PTBP3: variants seen among roughly 807,000 people sequenced by gnomAD.
PTBP3 encodes the protein polypyrimidine tract-binding protein 3.
Under a neutral mutation model 58.7 loss-of-function variants are expected in PTBP3, and 20 were observed. That is an observed-to-expected ratio of 0.34 (90% confidence interval 0.24 to 0.50). The LOEUF is 0.50. PTBP3 is among the 20% of genes least tolerant of loss of function. PTBP3 has a pLI of 0.98. For missense variants in PTBP3, 509 were observed against 637.2 expected (o/e 0.80, Z 2.17); for synonymous variants, 185 against 219.8 (o/e 0.84, Z 1.40).
At chr9:112,297,714 T>C in intron 2 of PTBP3, 118 bp downstream of exon 2, 1 of 779,630 alleles carries the variant, frequency 1.3e-6, no homozygotes, top group Non-Finnish European at 2.0e-6. Flanking sequence ...CCGAAACAAA[T>C]TTTAGCTTTT....
intron 4 of PTBP3, among the ~76,000 whole-genome samples, chr9:112,265,826 G>A (rs553455305): frequency 6.6e-6 from 1 of 152,272 alleles, no homozygotes; most frequent in African/African-American, 2.4e-5. Context: ...CAAGAATAAT[G>A]CAGGAGAAAC....
At chr9:112,291,420 T>C (rs1189024229) in intron 2 of PTBP3, among the ~76,000 whole-genome samples, 1 of 150,404 alleles carries the variant, frequency 6.6e-6, no homozygotes, top group African/African-American at 2.4e-5. Context: ...GCCAAAGCAA[T>C]CTTGAGAAAA....
At chr9:112,231,245 G>A in intron 10 of PTBP3, 135 bp downstream of exon 10, 1 of 584,170 alleles carries the variant, frequency 1.7e-6, no homozygotes. Context: ...TACTTACTAA[G>A]TCTTATTCAC....
chr9:112,253,363 G>A (rs954213425), intron 5 of PTBP3, among the ~76,000 whole-genome samples: 1 of 152,188 alleles, frequency 6.6e-6, no homozygotes, highest in African/African-American at 2.4e-5. Context: ...AATGCAAGAT[G>A]AGACAGTGCA....
At chr9:112,311,826 T>C (rs762227208) in intron 1 of PTBP3, among the ~76,000 whole-genome samples, 1 of 152,156 alleles carries the variant, frequency 6.6e-6, no homozygotes, top group African/African-American at 2.4e-5. Context: ...CTTATGCCTG[T>C]AGTCCCAGCT....
chr9:112,268,689 G>A (rs138103189), intron 3 of PTBP3, among the ~76,000 whole-genome samples: 262 of 143,976 alleles, frequency 1.8e-3, no homozygotes, highest in Non-Finnish European at 3.1e-3. Context: ...TGCAGCATGG[G>A]TAACAGGAGT....
the PTBP3 span, among the ~76,000 whole-genome samples, chr9:112,376,306 T>C: frequency 2.4e-3 from 312 of 130,116 alleles, 1 homozygote; most frequent in African/African-American, 8.9e-3. Flanking sequence ...CAGGCTGGAG[T>C]GCAGTGGCGT....
At chr9:112,335,238 C>T (rs1025734220), upstream of PTBP3, among the ~76,000 whole-genome samples, 3 of 152,062 alleles carry the variant, frequency 2.0e-5, no homozygotes, top group Non-Finnish European at 4.4e-5. Context: ...AACAATTCTG[C>T]GTGCATCCTT....
chr9:112,300,120 A>C lies in PTBP3; in HGVS notation c.-51-2204T>G, dbSNP rs117976075. The stretch of plus-strand genomic sequence containing the variant: ...TGTTAGTAATAATGTGGGGTGACAA[A>C]AACTCTTATATGGGAGTTAAGTATA... On this transcript the variant is annotated intron_variant, in intron 1 of 13. Coordinates refer to ENST00000374257, the MANE Select transcript of PTBP3 (RefSeq NM_001163788.4). Among the ~76,000 whole-genome samples the C allele has an allele frequency of 5.3e-4, 80 of 152,340 alleles. 1 individual carries two copies. In the East Asian group the frequency reaches 0.015, roughly 29 times the overall value.
chr9:112,267,093 G>A (rs1162836798), intron 4 of PTBP3, among the ~76,000 whole-genome samples: 1 of 151,962 alleles, frequency 6.6e-6, no homozygotes. Context: ...GAGAGCTGGA[G>A]GAGTTCTTTG....
chr9:112,320,291 A>AAAAAATATATATATATATATATATATAT (rs1411646280), intron 1 of PTBP3, among the ~76,000 whole-genome samples: 1 of 73,536 alleles, frequency 1.4e-5, no homozygotes, highest in African/African-American at 9.0e-5. Flanking sequence ...AAAAAAAAAA[A>AAAAAATATATATATATATATATATATAT]ATATATATAT....
rs1330009619 is a variant in PTBP3 at position 112,275,933 on chromosome 9, G to C, written c.115C>G (p.Pro39Ala). ...ATCTCTGCTTCGGTGACATCACATG[G>C]AATTTTTCGAAGATGGAGAACACGG... ...PSRVLHLRKI[P>A]CDVTEAEIIS... The change falls in exon 3 of 14, where the codon CCA (proline) becomes GCA (alanine). Residue 39 changes from proline to alanine, a missense_variant. Transcript: ENST00000374257. 6.2e-7 allele frequency: 1 copy of C among 1,613,604 alleles called. No homozygotes were observed. Among genetic ancestry groups the C allele is most frequent in the Admixed American group, 1.7e-5 (1 of 60,020 alleles).
chr9:112,252,739 T>C lies in PTBP3; in HGVS notation c.566A>G (p.Asn189Ser), dbSNP rs1335192672. The C allele has an allele frequency of 6.2e-7, 1 of 1,612,682 alleles. No individual in the cohort carries two copies. Among genetic ancestry groups the C allele is most frequent in the Admixed American group, 1.7e-5 (1 of 59,984 alleles). ...CTGAAGCAAGGCTTGAAACTGATTA[T>C]TCTTTGTAAAGGTGATAATCTTCAA... Reference protein sequence around the residue: ...TVLKIITFTKNNQFQALLQYA... With the variant: ...TVLKIITFTKSNQFQALLQYA... The change falls in exon 6 of 14, where the codon AAT becomes AGT. Residue 189 changes from asparagine (N) to serine (S), a missense_variant. Asn to Ser is a conservative substitution (Grantham distance 46). Around this residue, in one of 4 missense-constraint regions of PTBP3, gnomAD observed 41 missense variants for 78.0 expected, o/e 0.53. Coordinates refer to ENST00000374257, the MANE Select transcript of PTBP3 (RefSeq NM_001163788.4).
Position 112,332,119 on chromosome 9 carries a change from TAA to T in PTBP3, c.-52+1349_-52+1350del, listed in dbSNP as rs573035830. On this transcript the variant is annotated intron_variant, in intron 1 of 13. Transcript: ENST00000374257. ...TCTCGAAGAAACTTCAATCAAACAATAAAAACAGCTTCAATTCCCCCCCAAAA... is the reference window on the plus strand; with the variant it reads ...TCTCGAAGAAACTTCAATCAAACAATAAACAGCTTCAATTCCCCCCCAAAA... 8.5e-5 allele frequency among the ~76,000 whole-genome samples: 13 copies of T among 152,240 alleles called. No individual in the cohort carries two copies. In the South Asian group the frequency reaches 2.7e-3, roughly 32 times the overall value.
At chr9:112,379,173 G>C in the PTBP3 span, among the ~76,000 whole-genome samples, 1 of 152,204 alleles carries the variant, frequency 6.6e-6, no homozygotes, top group Non-Finnish European at 1.5e-5. Context: ...GTGGGCGACA[G>C]CGAGACTCCG....
At chr9:112,275,539 G>A (rs1827572346) in intron 3 of PTBP3, among the ~76,000 whole-genome samples, 1 of 151,786 alleles carries the variant, frequency 6.6e-6, no homozygotes, top group Admixed American at 6.6e-5. Context: ...GCTAATCACA[G>A]GACATTTGAT....
At chr9:112,348,303 G>T in the PTBP3 span, among the ~76,000 whole-genome samples, 2 of 152,230 alleles carry the variant, frequency 1.3e-5, no homozygotes, top group African/African-American at 2.4e-5. Flanking sequence ...GGAAAAGGTA[G>T]TTTCCCAAAA....
chr9:112,256,463 C>T (rs1289684384), intron 5 of PTBP3, among the ~76,000 whole-genome samples: 2 of 151,740 alleles, frequency 1.3e-5, no homozygotes, highest in African/African-American at 4.8e-5. Context: ...GAGATATAGA[C>T]TAAAATGCTT....
chr9:112,267,230 G>A (rs1836838427), intron 4 of PTBP3, among the ~76,000 whole-genome samples: 1 of 151,152 alleles, frequency 6.6e-6, no homozygotes, highest in Non-Finnish European at 1.5e-5. Context: ...CAGTGGCACG[G>A]TCTCGGCTCA....
Sources: gnomAD v4.1 joint callset for allele counts (sites outside exome capture counted in the v4.1 genomes callset) on GRCh38, gnomAD v4.1.1 for gene constraint, gnomAD v4.1.1 regional missense constraint, MANE v1.5 for transcripts, NCBI Gene and HGNC (gene_info 2026-07-23, HGNC 2026-07-21) for gene names.